APBB2: variants seen among roughly 807,000 people sequenced by gnomAD.
APBB2 encodes the protein Fe65-like 1.
A neutral mutation model predicts 82.5 loss-of-function variants in APBB2; 38 were observed. The observed-to-expected ratio is 0.46, with a 90% CI of 0.36 to 0.60. APBB2 has a LOEUF of 0.60. APBB2 is among the 20% of genes least tolerant of loss of function. The pLI is 0.00. For missense variants in APBB2, 772 were observed against 972.3 expected, an observed-to-expected ratio of 0.79 and a Z score of 2.74; for synonymous variants, 341 against 368.2, an observed-to-expected ratio of 0.93 and a Z score of 0.85.
intron 12 of APBB2, among the ~76,000 whole-genome samples, chr4:40,836,154 G>A (rs945453866): frequency 3.9e-5 from 6 of 152,116 alleles, no homozygotes; most frequent in Non-Finnish European, 5.9e-5. Context: ...GGGTGAAGTC[G>A]GGGGAGCAGG....
intron 5 of APBB2, among the ~76,000 whole-genome samples, chr4:41,022,435 C>T (rs541160846): frequency 6.6e-6 from 1 of 152,342 alleles, no homozygotes; most frequent in African/African-American, 2.4e-5. Context: ...TGATCGCATA[C>T]ATCATCTTCC....
intron 4 of APBB2, among the ~76,000 whole-genome samples, chr4:41,057,469 CA>C (rs149362812): frequency 0.011 from 1,683 of 152,200 alleles, 21 homozygotes; most frequent in African/African-American, 0.039. Flanking sequence ...AAAATAAATA[CA>C]ATGTTCAATA....
At chr4:41,073,959 A>G (rs1734740967) in intron 3 of APBB2, among the ~76,000 whole-genome samples, 1 of 152,148 alleles carries the variant, frequency 6.6e-6, no homozygotes, top group Non-Finnish European at 1.5e-5. Flanking sequence ...TCAATTAAGC[A>G]GTCAATCAAT....
At chr4:40,946,835 G>A (rs1163740985) in intron 6 of APBB2, among the ~76,000 whole-genome samples, 1 of 152,224 alleles carries the variant, frequency 6.6e-6, no homozygotes, top group Non-Finnish European at 1.5e-5. Flanking sequence ...CTGTGCAAGT[G>A]TCGCTGCATC....
intron 6 of APBB2, among the ~76,000 whole-genome samples, chr4:40,963,664 T>C (rs543411491): frequency 3.9e-5 from 6 of 152,346 alleles, no homozygotes; most frequent in Middle Eastern, 6.8e-3. Flanking sequence ...GAAACATTCT[T>C]TGGAAGCAAA....
rs1744970020 is a variant in APBB2, at chr4:40,813,950, G to A, written c.*2142C>T. The A allele has an allele frequency of 6.6e-6, 1 of 152,166 alleles. No individual in the cohort carries two copies. The highest frequency in any genetic ancestry group is 3.2e-3 in the Middle Eastern group (1 of 316). 9.4% of individuals were successfully genotyped at this position (152,166 alleles called of 1,614,324 possible). A position where few individuals can be genotyped will look rare whatever the true frequency, so the allele number is the denominator to read the frequency against. The stretch of plus-strand genomic sequence containing the variant: ...CTTCAGATCAGTAGTATGTCAATTG[G>A]TGAAAAACAGACTGCGTTTCTAAAG... On this transcript the variant is annotated 3_prime_UTR_variant, in exon 18 of 18. Coordinates refer to ENST00000508593, the MANE Select transcript of APBB2 (RefSeq NM_004307.2).
At chr4:40,906,230 C>T (rs1252504463) in intron 10 of APBB2, among the ~76,000 whole-genome samples, 1 of 151,818 alleles carries the variant, frequency 6.6e-6, no homozygotes, top group Non-Finnish European at 1.5e-5. Flanking sequence ...GCTGAGGTGG[C>T]TTCTGCTTGA....
rs368425285 is a variant in APBB2 at position 41,013,576 on chromosome 4, G to A, written c.835+7C>T. 1.4e-5 allele frequency: 23 copies of A among 1,612,200 alleles called. No individual in the cohort carries two copies. In the African/African-American group the frequency reaches 2.8e-4, roughly 20 times the overall value. On this transcript the variant is annotated splice_region_variant and intron_variant, in intron 6 of 17. Coordinates refer to ENST00000508593, the MANE Select transcript of APBB2 (RefSeq NM_004307.2). ...GCCAGCTGAGGCTACGCCTTCCCCA[G>A]GGGTACCTGTTTCATCCGGGGAGCT... is the stretch of plus-strand genomic sequence containing the variant.
chr4:40,964,590 G>A lies in APBB2; in HGVS notation c.836-19517C>T, dbSNP rs1219698972. On this transcript the variant is annotated intron_variant, in intron 6 of 17. Transcript: ENST00000508593. ...TGCTCCCTGTGGTACTGGGAAAATGGGGGCAACCTGCAAGTCTATCACTCT... is the reference window on the plus strand; with the variant it reads ...TGCTCCCTGTGGTACTGGGAAAATGAGGGCAACCTGCAAGTCTATCACTCT... Among the ~76,000 whole-genome samples the A allele has an allele frequency of 2.6e-5, 4 of 152,138 alleles. No individual in the cohort carries two copies. The South Asian group carries it at 8.3e-4, about 32-fold the overall frequency.
intron 6 of APBB2, among the ~76,000 whole-genome samples, chr4:40,971,401 C>A (rs200424863): frequency 6.6e-6 from 1 of 152,162 alleles, no homozygotes; most frequent in African/African-American, 2.4e-5. Flanking sequence ...ACTAAATTCT[C>A]TACTTATTCA....
At chr4:41,090,890 C>G (rs1741453497) in intron 3 of APBB2, among the ~76,000 whole-genome samples, 1 of 152,146 alleles carries the variant, frequency 6.6e-6, no homozygotes, top group African/African-American at 2.4e-5. Flanking sequence ...TCAGAAGAGT[C>G]AGAAGTCAAA....
chr4:40,882,795 G>T (rs1281427061), intron 12 of APBB2, among the ~76,000 whole-genome samples: 1 of 152,190 alleles, frequency 6.6e-6, no homozygotes, highest in African/African-American at 2.4e-5. Flanking sequence ...GGCCGTGGGG[G>T]TGAGAAACTT....
At chr4:40,827,301 T>C (rs560098696) in intron 13 of APBB2, 82 bp from the exon 14 acceptor site, 16 of 1,182,000 alleles carry the variant, frequency 1.4e-5, no homozygotes, top group South Asian at 1.1e-4. Flanking sequence ...AGTGTCTAGG[T>C]TGACTTCACT....
intron 1 of APBB2, among the ~76,000 whole-genome samples, chr4:41,204,383 C>T (rs1777435952): frequency 6.6e-6 from 1 of 152,160 alleles, no homozygotes; most frequent in Non-Finnish European, 1.5e-5. Context: ...AGGTGAGAAG[C>T]AACCGAGGTG....
chr4:41,171,487 CAG>C (rs1373568381), intron 1 of APBB2, among the ~76,000 whole-genome samples: 1 of 152,028 alleles, frequency 6.6e-6, no homozygotes, highest in African/African-American at 2.4e-5. Context: ...GTTGAATAAA[CAG>C]AATTTTGGAA....
intron 10 of APBB2, among the ~76,000 whole-genome samples, chr4:40,912,792 A>T (rs1778896842): frequency 6.6e-6 from 1 of 152,138 alleles, no homozygotes; most frequent in African/African-American, 2.4e-5. Flanking sequence ...AGTCTGAGTA[A>T]GGGCCCATGG....
intron 12 of APBB2, among the ~76,000 whole-genome samples, chr4:40,852,843 G>A (rs1307182900): frequency 2.0e-5 from 3 of 152,058 alleles, no homozygotes; most frequent in East Asian, 1.9e-4. Context: ...GTTTTGCCAC[G>A]TTGCCCAGGC....
At chr4:40,866,202 T>TA (rs1764003728) in intron 12 of APBB2, among the ~76,000 whole-genome samples, 1 of 152,242 alleles carries the variant, frequency 6.6e-6, no homozygotes, top group Non-Finnish European at 1.5e-5. Flanking sequence ...ACTTGCCTTT[T>TA]AAGATGGATG....
chr4:41,172,996 A>G (rs1768745229), intron 1 of APBB2, among the ~76,000 whole-genome samples: 1 of 152,148 alleles, frequency 6.6e-6, no homozygotes, highest in East Asian at 1.9e-4. Context: ...TCATTAGTAC[A>G]TTTTCACTTC....
Sources: gnomAD v4.1 joint callset for allele counts (sites outside exome capture counted in the v4.1 genomes callset) on GRCh38, gnomAD v4.1.1 for gene constraint, MANE v1.5 for transcripts, NCBI Gene and HGNC (gene_info 2026-07-23, HGNC 2026-07-21) for gene names.